HNF4G: variants seen among roughly 807,000 people sequenced by gnomAD.
The protein encoded by HNF4G is hepatocyte nuclear factor 4-gamma.
HNF4G carries 21 observed loss-of-function variants against 50.9 expected under a neutral mutation model. The ratio of observed to expected loss-of-function variants is 0.41; its 90% CI spans 0.29 to 0.59. HNF4G has a LOEUF of 0.59. Ranked by LOEUF, HNF4G falls within the 20% of genes least tolerant of loss-of-function variation. The pLI is 0.26. For synonymous variants in HNF4G, 198 were observed against 185.6 expected (o/e 1.07, Z -0.54); for missense variants, 527 against 559.4 (o/e 0.94, Z 0.58).
At chr8:75,519,572 A>C (rs941946350) in intron 2 of HNF4G, among the ~76,000 whole-genome samples, 1 of 152,224 alleles carries the variant, frequency 6.6e-6, no homozygotes, top group Non-Finnish European at 1.5e-5. Flanking sequence ...GGAGAATGGC[A>C]AATGAGGAGC....
intron 1 of HNF4G, among the ~76,000 whole-genome samples, chr8:75,438,870 C>T (rs577179702): frequency 2.2e-4 from 33 of 152,006 alleles, no homozygotes; most frequent in African/African-American, 6.7e-4. Context: ...TTTTCTTTCA[C>T]GAGTAGGGTA....
intron 2 of HNF4G, among the ~76,000 whole-genome samples, chr8:75,497,567 C>T (rs1241494601): frequency 6.6e-6 from 1 of 151,660 alleles, no homozygotes; most frequent in Non-Finnish European, 1.5e-5. Flanking sequence ...GCCTGTAATC[C>T]CAGCTACTCG....
chr8:75,541,169 C>T (rs1445809440), intron 1 of HNF4G, among the ~76,000 whole-genome samples: 2 of 152,102 alleles, frequency 1.3e-5, no homozygotes, highest in South Asian at 4.2e-4. Flanking sequence ...TTAAAAAACA[C>T]TCATGATTAA....
At chr8:75,494,926 G>A (rs1219554562) in intron 2 of HNF4G, among the ~76,000 whole-genome samples, 1 of 152,218 alleles carries the variant, frequency 6.6e-6, no homozygotes, top group African/African-American at 2.4e-5. Context: ...CTATAAGCAA[G>A]GTGATGTTTT....
chr8:75,435,832 G>C (rs1811123390), intron 1 of HNF4G, among the ~76,000 whole-genome samples: 1 of 152,122 alleles, frequency 6.6e-6, no homozygotes, highest in South Asian at 2.1e-4. Context: ...GACCTCAGGT[G>C]ATCCACCCAC....
chr8:75,522,428 C>G (rs1417203839), intron 2 of HNF4G, among the ~76,000 whole-genome samples: 1 of 152,144 alleles, frequency 6.6e-6, no homozygotes, highest in Non-Finnish European at 1.5e-5. Context: ...TTTTCAAACA[C>G]TGAAACACAT....
intron 1 of HNF4G, among the ~76,000 whole-genome samples, chr8:75,420,579 C>A (rs1810753086): frequency 6.6e-6 from 1 of 152,202 alleles, no homozygotes; most frequent in Non-Finnish European, 1.5e-5. Flanking sequence ...CATTTGTGTT[C>A]AATATTCCTT....
intron 2 of HNF4G, among the ~76,000 whole-genome samples, chr8:75,492,094 A>G (rs1365303954): frequency 2.0e-5 from 3 of 152,124 alleles, no homozygotes; most frequent in Admixed American, 6.5e-5. Flanking sequence ...TTACATACTG[A>G]AGGTAATCGC....
intron 1 of HNF4G, among the ~76,000 whole-genome samples, chr8:75,458,010 A>G (rs150994684): frequency 1.3e-5 from 2 of 152,072 alleles, no homozygotes; most frequent in Non-Finnish European, 2.9e-5. Flanking sequence ...AAGTCTCACT[A>G]TATTGCCCAG....
At chr8:75,438,085 G>C (rs1291560242) in intron 1 of HNF4G, among the ~76,000 whole-genome samples, 2 of 152,090 alleles carry the variant, frequency 1.3e-5, no homozygotes, top group Admixed American at 1.3e-4. Flanking sequence ...AAACTGGATT[G>C]ATGACAACAC....
intron 2 of HNF4G, among the ~76,000 whole-genome samples, chr8:75,511,128 A>C (rs1266611887): frequency 6.6e-6 from 1 of 152,100 alleles, no homozygotes; most frequent in Admixed American, 6.5e-5. Context: ...TATATTCTAA[A>C]AGCCTTGCTT....
chr8:75,519,754 T>G (rs1389029825), intron 2 of HNF4G, among the ~76,000 whole-genome samples: 1 of 152,148 alleles, frequency 6.6e-6, no homozygotes, highest in African/African-American at 2.4e-5. Flanking sequence ...TGATACAACT[T>G]TTTTTCTTGT....
At chr8:75,468,708 A>G (rs1812048508) in intron 1 of HNF4G, among the ~76,000 whole-genome samples, 2 of 151,968 alleles carry the variant, frequency 1.3e-5, no homozygotes, top group East Asian at 3.9e-4. Flanking sequence ...AAAAAAAATT[A>G]TATGTAGAGT....
chr8:75,434,604 T>G (rs1476505098), intron 1 of HNF4G, among the ~76,000 whole-genome samples: 1 of 150,288 alleles, frequency 6.7e-6, no homozygotes, highest in African/African-American at 2.5e-5. Flanking sequence ...GAATGAAAAA[T>G]AGGGAGTGAA....
intron 1 of HNF4G, among the ~76,000 whole-genome samples, chr8:75,488,296 T>G (rs1352380856): frequency 6.6e-6 from 1 of 152,176 alleles, no homozygotes; most frequent in Non-Finnish European, 1.5e-5. Flanking sequence ...GTTTTTGAGA[T>G]GGAGTCTCAC....
At chr8:75,530,449 C>T (rs1272776444) in intron 2 of HNF4G, among the ~76,000 whole-genome samples, 1 of 150,984 alleles carries the variant, frequency 6.6e-6, no homozygotes, top group African/African-American at 2.4e-5. Flanking sequence ...AAAATACTAC[C>T]TAAGGAAACC....
In HNF4G at chr8:75,475,112, C is replaced by T. The variant is rs893523559; in HGVS notation, c.-143-14977C>T. Among the ~76,000 whole-genome samples the T allele has an allele frequency of 5.9e-5, 9 of 151,968 alleles. No homozygotes were observed. In the South Asian group the frequency reaches 8.3e-4, roughly 14 times the overall value. The stretch of plus-strand genomic sequence containing the variant: ...CCAACCTCTGCCTCCCGGGTTCAAG[C>T]GATTCTCCTGCCTCAGCCTCCCGAG... On this transcript the variant is annotated intron_variant, in intron 1 of 10. Transcript: ENST00000354370.
intron 1 of HNF4G, among the ~76,000 whole-genome samples, chr8:75,409,282 A>G (rs1252512393): frequency 6.6e-6 from 1 of 152,122 alleles, no homozygotes; most frequent in African/African-American, 2.4e-5. Flanking sequence ...GGGCCCACAA[A>G]TAAGGACATT....
intron 2 of HNF4G, 51 bp downstream of exon 2, chr8:75,544,030 G>T: frequency 6.8e-7 from 1 of 1,470,792 alleles, no homozygotes; most frequent in Non-Finnish European, 9.1e-7. Flanking sequence ...GTTTCAGTTT[G>T]GCACGCAAAA....
Sources: gnomAD v4.1 joint callset for allele counts (sites outside exome capture counted in the v4.1 genomes callset) on GRCh38, gnomAD v4.1.1 for gene constraint, MANE v1.5 for transcripts, NCBI Gene and HGNC (gene_info 2026-07-23, HGNC 2026-07-21) for gene names.